ERLEC1: variants seen among roughly 807,000 people sequenced by gnomAD.
ERLEC1 encodes the protein ER lectin.
ERLEC1 carries 47 observed loss-of-function variants against 68.0 expected under a neutral mutation model. The ratio of observed to expected loss-of-function variants is 0.69; its 90% confidence interval spans 0.55 to 0.88. The LOEUF (loss-of-function observed/expected upper bound fraction) is 0.88. Ranked by LOEUF, ERLEC1 falls within the 40% of genes least tolerant of loss-of-function variation. The pLI, the probability that ERLEC1 is intolerant of heterozygous loss-of-function variation, is 0.00. For missense variants in ERLEC1, 567 were observed against 583.8 expected (o/e 0.97, Z 0.30); for synonymous variants, 225 against 203.2 (o/e 1.11, Z -0.91).
intron 3 of ERLEC1, among the ~76,000 whole-genome samples, chr2:53,797,145 T>C (rs899288215): frequency 1.3e-5 from 2 of 152,222 alleles, no homozygotes; most frequent in East Asian, 3.8e-4. Context: ...TCTGCCCACC[T>C]TGGCCTCCCA....
intron 1 of ERLEC1, among the ~76,000 whole-genome samples, chr2:53,790,399 C>T (rs1675327066): frequency 6.6e-6 from 1 of 150,938 alleles, no homozygotes; most frequent in Non-Finnish European, 1.5e-5. Context: ...TGCCTGGCCG[C>T]GGGTTGGACA....
chr2:53,797,958 A>T (rs189889281), intron 5 of ERLEC1, among the ~76,000 whole-genome samples, 163 bp downstream of exon 5: 1 of 152,256 alleles, frequency 6.6e-6, no homozygotes, highest in East Asian at 1.9e-4. Context: ...GCACTTTGGG[A>T]GGCCAAGGCA....
intron 1 of ERLEC1, among the ~76,000 whole-genome samples, chr2:53,793,332 C>G (rs1675511442): frequency 6.6e-6 from 1 of 152,182 alleles, no homozygotes; most frequent in African/African-American, 2.4e-5. Context: ...GTGTAGAAAG[C>G]TTTAAGGATA....
intron 6 of ERLEC1, among the ~76,000 whole-genome samples, chr2:53,799,396 A>C (rs1238015138): frequency 6.6e-6 from 1 of 152,188 alleles, no homozygotes; most frequent in Middle Eastern, 3.2e-3. Flanking sequence ...GAAACTATTA[A>C]GAGTTTTGGT....
chr2:53,810,113 T>C (rs1676511401), intron 10 of ERLEC1, among the ~76,000 whole-genome samples: 2 of 151,958 alleles, frequency 1.3e-5, no homozygotes, highest in Admixed American at 1.3e-4. Flanking sequence ...AATGATAAGA[T>C]CATACATTAT....
chr2:53,793,491 C>T (rs963009955), intron 1 of ERLEC1, among the ~76,000 whole-genome samples: 10 of 152,216 alleles, frequency 6.6e-5, no homozygotes, highest in African/African-American at 2.4e-4. Flanking sequence ...AGAGGCGCAA[C>T]AGAGACCATA....
chr2:53,804,560 G>A (rs1676177488), intron 8 of ERLEC1, among the ~76,000 whole-genome samples: 1 of 152,136 alleles, frequency 6.6e-6, no homozygotes, highest in African/African-American at 2.4e-5. Context: ...ACAGGCATGA[G>A]CCACCACGTG....
chr2:53,797,516 T>C lies in ERLEC1; in HGVS notation c.350T>C (p.Ile117Thr). The C allele has an allele frequency of 1.9e-6, 3 of 1,607,000 alleles. No homozygotes were observed. The highest frequency in any genetic ancestry group is 2.2e-5 in the East Asian group (1 of 44,762). Residue 117 changes from isoleucine to threonine, a missense_variant and splice_region_variant, in exon 4 of 14, where the codon ATT (isoleucine) becomes ACT (threonine). Transcript: ENST00000185150. ...LFKQSSCSYR[I>T]ESYWTYEVCH... ...TTGAAATATATCCATCTTTTTTAGA[T>C]TGAGTCTTATTGGACTTACGAAGTA...
At chr2:53,814,656 G>C in intron 12 of ERLEC1, 36 bp downstream of exon 12, 1 of 1,479,152 alleles carries the variant, frequency 6.8e-7, no homozygotes, top group South Asian at 1.2e-5. Flanking sequence ...GTATGCCTTT[G>C]TCTTTTAACT....
chr2:53,797,363 A>T, intron 3 of ERLEC1, 152 bp from the exon 4 acceptor site: 1 of 576,544 alleles, frequency 1.7e-6, no homozygotes, highest in Non-Finnish European at 3.0e-6. Flanking sequence ...GACTTCAGAA[A>T]TTTCACATTT....
At chr2:53,814,828 T>A in intron 12 of ERLEC1, 32 bp from the exon 13 acceptor site, 1 of 1,504,396 alleles carries the variant, frequency 6.6e-7, no homozygotes, top group Non-Finnish European at 9.2e-7. Flanking sequence ...TTAAATGATT[T>A]GGACAGTACC....
rs1412528902 is a variant in ERLEC1 at position 53,817,929 on chromosome 2, A to G, written c.1412A>G (p.Asp471Gly). The G allele has an allele frequency of 6.2e-7, 1 of 1,607,704 alleles. No individual in the cohort carries two copies. The highest frequency in any genetic ancestry group is 8.5e-7 in the Non-Finnish European group (1 of 1,174,492). Residue 471 changes from aspartate (D) to glycine (G), a missense_variant, in exon 14 of 14, where the codon GAT becomes GGT. Asp to Gly is a moderately conservative substitution (Grantham distance 94). Transcript: ENST00000185150. ...TCTCCAGTGATCTGTAAAATCTTAG[A>G]TACAGCAGATGAAAATGGACTTCTT... ...VESPVICKIL[D>G]TADENGLLSL...
chr2:53,787,487 T>G, intron 1 of ERLEC1, 115 bp downstream of exon 1: 13 of 1,222,526 alleles, frequency 1.1e-5, no homozygotes, highest in South Asian at 1.6e-5. Context: ...GACTCTTACC[T>G]TCCCCAAGCC....
In ERLEC1 at chr2:53,810,628, C is replaced by T. The variant is rs545658745; in HGVS notation, c.1101+1355C>T. 1.1e-4 allele frequency among the ~76,000 whole-genome samples: 16 copies of T among 152,238 alleles called. No individual in the cohort carries two copies. The East Asian group carries it at 2.7e-3, about 26-fold the overall frequency. ...CAAAATAGAAAAGTGTATATTTGCC[C>T]ACTCATAATGTTTTGAACTGATCTC... On this transcript the variant is annotated intron_variant, in intron 10 of 13. Coordinates refer to ENST00000185150, the MANE Select transcript of ERLEC1 (RefSeq NM_015701.5).
At chr2:53,788,941 A>G (rs1306564623) in intron 1 of ERLEC1, among the ~76,000 whole-genome samples, 1 of 151,932 alleles carries the variant, frequency 6.6e-6, no homozygotes, top group Non-Finnish European at 1.5e-5. Flanking sequence ...GTTTTTTTTA[A>G]TTTAAAAAAA....
Position 53,797,519 on chromosome 2 carries a change from A to T in ERLEC1, c.353A>T (p.Glu118Val). 1.9e-6 allele frequency: 3 copies of T among 1,607,188 alleles called. No individual in the cohort carries two copies. Among genetic ancestry groups the T allele is most frequent in the Non-Finnish European group, 2.5e-6 (3 of 1,177,384 alleles). The part of the protein sequence containing the change: ...FKQSSCSYRI[E>V]SYWTYEVCHG... ...AAATATATCCATCTTTTTTAGATTG[A>T]GTCTTATTGGACTTACGAAGTATGT... is the stretch of plus-strand genomic sequence containing the variant. Residue 118 changes from glutamate (E) to valine (V), a missense_variant, in exon 4 of 14, where the codon GAG (glutamate) becomes GTG (valine). Physicochemically the swap from Glu to Val is moderately radical, Grantham distance 121. Transcript: ENST00000185150.
Position 53,797,597 on chromosome 2 carries a change from G to C in ERLEC1, c.426+5G>C. The C allele has an allele frequency of 6.2e-7, 1 of 1,607,424 alleles. No individual in the cohort carries two copies. The highest frequency in any genetic ancestry group is 1.1e-5 in the South Asian group (1 of 89,186). Reference sequence around the variant, plus strand: ...GAAGAGAAAGAAACTGGTCAGGTGTGTTTTTCTTCAAAATATTATTATGAA... The same window carrying C: ...GAAGAGAAAGAAACTGGTCAGGTGTCTTTTTCTTCAAAATATTATTATGAA... On this transcript the variant is annotated splice_donor_5th_base_variant and intron_variant, in intron 4 of 13. Transcript: ENST00000185150.
At position 53,787,313 on chromosome 2, in the gene ERLEC1, C is replaced by T. The variant is rs199730143; in HGVS notation, c.103C>T (p.Pro35Ser). ...GGCGTCCGGCGGCGGCCGAGCCCTT[C>T]CTCAACTCAGCGATGACATCCCTTT... is the stretch of plus-strand genomic sequence containing the variant. Reference protein sequence around the residue: ...LEASGGGRALPQLSDDIPFRV... With the variant: ...LEASGGGRALSQLSDDIPFRV... Residue 35 changes from proline (P) to serine (S), a missense_variant, in exon 1 of 14, where the codon CCT (proline) becomes TCT (serine). Transcript: ENST00000185150. 2 of 1,611,222 alleles carry T rather than the reference C, an allele frequency of 1.2e-6. No individual in the cohort carries two copies. The highest frequency in any genetic ancestry group is 1.3e-5 in the African/African-American group (1 of 74,918).
At chr2:53,798,163 C>G (rs1055266576) in intron 5 of ERLEC1, among the ~76,000 whole-genome samples, 2 of 152,158 alleles carry the variant, frequency 1.3e-5, no homozygotes, top group African/African-American at 2.4e-5. Flanking sequence ...CCACTGCACT[C>G]CAGCCTGGGC....
Sources: allele counts gnomAD v4.1 joint callset (sites outside exome capture counted in the v4.1 genomes callset), GRCh38; gene constraint gnomAD v4.1.1; transcripts MANE v1.5; gene names NCBI Gene and HGNC (gene_info 2026-07-23, HGNC 2026-07-21).